ZNF23: variants seen among roughly 807,000 people sequenced by gnomAD.
ZNF23 encodes kruppel-like zinc finger factor X31.
Under a neutral mutation model 56.2 loss-of-function variants are expected in ZNF23, and 48 were observed. The observed-to-expected ratio is 0.85, with a 90% CI of 0.68 to 1.09. The LOEUF (loss-of-function observed/expected upper bound fraction) is 1.09, where lower values mean the gene tolerates loss of function less well. ZNF23 is among the 50% of genes least tolerant of loss of function. ZNF23 has a pLI of 0.00. For synonymous variants in ZNF23, 266 were observed against 283.3 expected (o/e 0.94, Z 0.61); for missense variants, 805 against 811.4 (o/e 0.99, Z 0.10).
rs575375073 is a variant in ZNF23 at position 71,449,559 on chromosome 16, C to T, written c.595G>A (p.Val199Met). Residue 199 changes from valine (V) to methionine (M), a missense_variant, in exon 5 of 5, where the codon GTG becomes ATG. Physicochemically the swap from Val to Met is conservative, Grantham distance 21. Coordinates refer to ENST00000647773, the MANE Select transcript of ZNF23 (RefSeq NM_001381984.1). ...TCAGAATTAATTATTTCATGCTTCA[C>T]GAGTTTTGTATCAAAGCTGATGGAT... Reference protein sequence around the residue: ...GKSISFDTKLVKHEIINSEER... With the variant: ...GKSISFDTKLMKHEIINSEER... The T allele has an allele frequency of 6.5e-5, 105 of 1,614,104 alleles. No individual in the cohort carries two copies. The highest frequency in any genetic ancestry group is 2.6e-4 in the South Asian group (24 of 91,082).
chr16:71,449,099 T>G lies in ZNF23; in HGVS notation c.1055A>C (p.Glu352Ala). 1 of 1,614,214 alleles carries G rather than the reference T, an allele frequency of 6.2e-7. No homozygotes were observed. The highest frequency in any genetic ancestry group is 8.5e-7 in the Non-Finnish European group (1 of 1,180,030). Residue 352 changes from glutamate (E) to alanine (A), a missense_variant, in exon 5 of 5, where the codon GAG becomes GCG. By Grantham distance (107) the Glu-to-Ala change is moderately radical. Coordinates refer to ENST00000647773, the MANE Select transcript of ZNF23 (RefSeq NM_001381984.1). ...GAACGCTTTCCCACAGTCATTACACTCGTAAGGTTTCTCTCCAGTGTGGAC... is the reference window on the plus strand; with the variant it reads ...GAACGCTTTCCCACAGTCATTACACGCGTAAGGTTTCTCTCCAGTGTGGAC... ...QRVHTGEKPY[E>A]CNDCGKAFNV...
intron 2 of ZNF23, among the ~76,000 whole-genome samples, chr16:71,456,357 C>T (rs2043232398): frequency 6.6e-6 from 1 of 152,178 alleles, no homozygotes; most frequent in South Asian, 2.1e-4. Flanking sequence ...GCACGGCCAT[C>T]CTTCTCTGAT....
chr16:71,452,005 G>T (rs979364873), intron 4 of ZNF23: 1 of 152,186 alleles, frequency 6.6e-6, no homozygotes, highest in African/African-American at 2.4e-5. Flanking sequence ...CATGCCCTTT[G>T]CCCTCCCTTC....
At position 71,449,087 on chromosome 16, in the gene ZNF23, C is replaced by T; in HGVS notation, c.1067G>A (p.Cys356Tyr). ...TGCATTAACATTGAACGCTTTCCCA[C>T]AGTCATTACACTCGTAAGGTTTCTC... ...TGEKPYECNDCGKAFNVNAKL... is the reference protein window; with the variant it reads ...TGEKPYECNDYGKAFNVNAKL... The change falls in exon 5 of 5, where the codon TGT becomes TAT. Residue 356 changes from cysteine (C) to tyrosine (Y), a missense_variant. Transcript: ENST00000647773. The T allele has an allele frequency of 6.2e-7, 1 of 1,614,196 alleles. No homozygotes were observed. Among genetic ancestry groups the T allele is most frequent in the Non-Finnish European group, 8.5e-7 (1 of 1,180,030 alleles).
At chr16:71,457,287 G>A (rs1296185524) in intron 1 of ZNF23, among the ~76,000 whole-genome samples, 1 of 152,104 alleles carries the variant, frequency 6.6e-6, no homozygotes, top group East Asian at 1.9e-4. Context: ...AAATTAGGCT[G>A]GGCGCGGTGG....
chr16:71,450,718 C>CAA (rs66920642), intron 4 of ZNF23: 581 of 351,260 alleles, frequency 1.7e-3, no homozygotes, highest in East Asian at 4.1e-3. Context: ...GACTCCATCT[C>CAA]AAAAAAAAAA....
intron 1 of ZNF23, among the ~76,000 whole-genome samples, chr16:71,461,330 GAAAT>G (rs1482273021): frequency 1.3e-5 from 2 of 152,076 alleles, no homozygotes; most frequent in African/African-American, 4.8e-5. Context: ...AGGATGGGGT[GAAAT>G]TGAGGACCCA....
At chr16:71,461,133 A>G (rs928496965) in intron 1 of ZNF23, among the ~76,000 whole-genome samples, 7 of 152,224 alleles carry the variant, frequency 4.6e-5, no homozygotes, top group Non-Finnish European at 1.0e-4. Flanking sequence ...CAATTAACAC[A>G]AAAGTCAATA....
rs1567560217 is a variant in ZNF23 at position 71,449,222 on chromosome 16, C to T, written c.932G>A (p.Ser311Asn). ...GKAFSVNGSL[S>N]RHQRIHTGEK... Reference sequence around the variant, plus strand: ...TCCCGTATGGATTCTCTGATGCCTACTTAGGCTTCCATTAACACTGAAGGC... The same window carrying T: ...TCCCGTATGGATTCTCTGATGCCTATTTAGGCTTCCATTAACACTGAAGGC... Residue 311 changes from serine to asparagine, a missense_variant, in exon 5 of 5, where the codon AGT becomes AAT. Transcript: ENST00000647773. The T allele has an allele frequency of 6.2e-7, 1 of 1,613,856 alleles. No individual in the cohort carries two copies. The highest frequency in any genetic ancestry group is 8.5e-7 in the Non-Finnish European group (1 of 1,179,944).
In ZNF23 at chr16:71,448,257, A is replaced by G; in HGVS notation, c.1897T>C (p.Cys633Arg). The change falls in exon 5 of 5, where the codon TGT (cysteine) becomes CGT (arginine). Residue 633 changes from cysteine to arginine, a missense_variant. By Grantham distance (180) the Cys-to-Arg change is radical. Coordinates refer to ENST00000647773, the MANE Select transcript of ZNF23 (RefSeq NM_001381984.1). ...RSHTGEKPFR[C>R]VECGKGFSFS... The stretch of plus-strand genomic sequence containing the variant: ...CTGAAGCCTTTGCCACATTCCACAC[A>G]TCTGAAGGGTTTCTCCCCAGTGTGG... The G allele has an allele frequency of 6.2e-7, 1 of 1,614,266 alleles. No individual in the cohort carries two copies. The highest frequency in any genetic ancestry group is 2.2e-5 in the East Asian group (1 of 44,890).
Position 71,448,423 on chromosome 16 carries a change from A to T in ZNF23, c.1731T>A (p.Cys577Ter). ...AGCTGAATGCTTTCTCACATTCCAT[A>T]CATTTGAAAGGTTTCTCCCCAGTAT... is the stretch of plus-strand genomic sequence containing the variant. ...RIHTGEKPFK[C>*]MECEKAFSCS... The change falls in exon 5 of 5, where the codon TGT (cysteine) becomes TGA (stop). Residue 577 changes from cysteine (C) to a stop codon, truncating the protein, a stop_gained. Transcript: ENST00000647773. LOFTEE classifies it high-confidence loss of function. 1 of 1,614,216 alleles carries T rather than the reference A, an allele frequency of 6.2e-7. No homozygotes were observed. The highest frequency in any genetic ancestry group is 1.1e-5 in the South Asian group (1 of 91,086).
intron 1 of ZNF23, among the ~76,000 whole-genome samples, chr16:71,457,146 C>T (rs1288818111): frequency 6.6e-6 from 1 of 152,068 alleles, no homozygotes; most frequent in Non-Finnish European, 1.5e-5. Context: ...GCATATAAAA[C>T]CTGCTGGGCA....
intron 1 of ZNF23, 72 bp downstream of exon 1, chr16:71,462,138 G>C (rs552440923): frequency 2.6e-5 from 4 of 152,460 alleles, no homozygotes; most frequent in Admixed American, 2.0e-4. Flanking sequence ...CCCAGGGTGG[G>C]AGTGCGTCTC....
chr16:71,450,148 A>G, intron 4 of ZNF23: 1 of 294,662 alleles, frequency 3.4e-6, no homozygotes, highest in Non-Finnish European at 6.2e-6. Flanking sequence ...AGTATATAGA[A>G]TAGATTTTCA....
Position 71,447,865 on chromosome 16 carries a change from C to A in ZNF23, c.*228G>T, listed in dbSNP as rs923948796. 5 of 373,934 alleles carry A rather than the reference C, an allele frequency of 1.3e-5. No homozygotes were observed. The highest frequency in any genetic ancestry group is 4.3e-5 in the Admixed American group (1 of 23,400). 23.2% of individuals were successfully genotyped at this position (373,934 alleles called of 1,614,324 possible). Reference sequence around the variant, plus strand: ...TTCTTGATGCTGCTGGGAACGAAATCTTTTCATTATATTTTCTAATTCCTG... The same window carrying A: ...TTCTTGATGCTGCTGGGAACGAAATATTTTCATTATATTTTCTAATTCCTG... On this transcript the variant is annotated 3_prime_UTR_variant, in exon 5 of 5. Transcript: ENST00000647773.
At chr16:71,450,728 A>AG in intron 4 of ZNF23, 1 of 434,756 alleles carries the variant, frequency 2.3e-6, no homozygotes, top group Non-Finnish European at 4.6e-6. Flanking sequence ...CAAAAAAAAA[A>AG]AAAAGTGACA....
At chr16:71,453,790 C>G in intron 3 of ZNF23, 1 of 575,246 alleles carries the variant, frequency 1.7e-6, no homozygotes, top group Admixed American at 3.1e-5. Flanking sequence ...CAACTGGATT[C>G]CAGTGTTTCC....
At chr16:71,454,301 G>T in intron 2 of ZNF23, 133 bp from the exon 3 acceptor site, 3 of 1,214,774 alleles carry the variant, frequency 2.5e-6, no homozygotes, top group Non-Finnish European at 3.3e-6. Flanking sequence ...ACAAGGGGAA[G>T]ATCTCAGAAA....
chr16:71,457,900 G>A (rs1341525445), intron 1 of ZNF23, among the ~76,000 whole-genome samples: 1 of 152,096 alleles, frequency 6.6e-6, no homozygotes, highest in Admixed American at 6.5e-5. Context: ...AGCTGGACTG[G>A]CTGGGCTGCA....
Sources: gnomAD v4.1 joint callset for allele counts (sites outside exome capture counted in the v4.1 genomes callset) on GRCh38, gnomAD v4.1.1 for gene constraint, MANE v1.5 for transcripts, NCBI Gene and HGNC (gene_info 2026-07-23, HGNC 2026-07-21) for gene names.